Variants in PIR observed in about 807,000 individuals in gnomAD.
The protein encoded by PIR is pirin (iron-binding nuclear protein).
A neutral mutation model predicts 24.2 loss-of-function variants in PIR; 22 were observed. The observed-to-expected ratio is 0.91, with a 90% CI of 0.65 to 1.30. PIR has a LOEUF of 1.30. Ranked by LOEUF, PIR falls within the 50% of genes most tolerant of loss-of-function variation. The pLI is 0.00. For synonymous variants in PIR, 80 were observed against 79.6 expected (o/e 1.00, Z -0.03); for missense variants, 220 against 220.3 (o/e 1.00, Z 0.01).
At chrX:15,479,637 T>C (rs765445187) in intron 3 of PIR, 92 bp downstream of exon 3, 46 of 398,028 alleles carry the variant, frequency 1.2e-4, no homozygotes, top group Non-Finnish European at 1.9e-4. Context: ...ATTTTTAGCC[T>C]ATTATTTATT....
At chrX:15,466,014 T>TTG (rs1320273133) in intron 3 of PIR, among the ~76,000 whole-genome samples, 1 of 98,550 alleles carries the variant, frequency 1.0e-5, no homozygotes, top group African/African-American at 3.8e-5. Context: ...CTGTTTTTTT[T>TTG]TTTTTTTTTT....
intron 5 of PIR, among the ~76,000 whole-genome samples, chrX:15,449,950 T>C (rs768288396): frequency 1.4e-4 from 16 of 112,511 alleles, no homozygotes; most frequent in Non-Finnish European, 2.8e-4. Context: ...TGTGTGGTTA[T>C]GTTGCCAATA....
chrX:15,428,254 C>G (rs774679746), intron 5 of PIR, among the ~76,000 whole-genome samples: 73 of 111,824 alleles, frequency 6.5e-4, no homozygotes, highest in African/African-American at 2.3e-3. Flanking sequence ...GGGCAGCACA[C>G]AAGGGGCACA....
intron 6 of PIR, among the ~76,000 whole-genome samples, chrX:15,412,770 G>A (rs1379480621): frequency 8.9e-6 from 1 of 111,924 alleles, no homozygotes; most frequent in African/African-American, 3.2e-5. Flanking sequence ...GAAACAAAGC[G>A]CAGCAGCAAA....
intron 2 of PIR, among the ~76,000 whole-genome samples, chrX:15,487,174 C>T (rs745377974): frequency 8.9e-6 from 1 of 112,097 alleles, no homozygotes; most frequent in South Asian, 3.7e-4. Context: ...TGGACTTGAG[C>T]TGTGACTATA....
intron 4 of PIR, among the ~76,000 whole-genome samples, chrX:15,457,331 G>C (rs965246747): frequency 9.0e-6 from 1 of 111,726 alleles, no homozygotes; most frequent in African/African-American, 3.3e-5. Flanking sequence ...AGATGGTACT[G>C]TACACATACG....
rs192160530 is a variant in PIR at position 15,453,499 on chromosome X, A to G, written c.480+2349T>C. 5.5e-4 allele frequency among the ~76,000 whole-genome samples: 62 copies of G among 112,185 alleles called. No individual in the cohort carries two copies. In the South Asian group the frequency reaches 0.013, roughly 23 times the overall value. On this transcript the variant is annotated intron_variant, in intron 5 of 9. Transcript: ENST00000380420. ...GGCATTCTATCTCCAGAGTCCATGC[A>G]GGTAACCACTGCACCACGCTGCCTC...
chrX:15,444,877 G>C (rs927476622), intron 5 of PIR, among the ~76,000 whole-genome samples: 1 of 111,634 alleles, frequency 9.0e-6, no homozygotes, highest in South Asian at 3.7e-4. Context: ...AATCTGGCTG[G>C]GGGACTCAAT....
chrX:15,441,531 C>T (rs1167201184), intron 5 of PIR, among the ~76,000 whole-genome samples: 1 of 110,939 alleles, frequency 9.0e-6, no homozygotes, highest in Non-Finnish European at 1.9e-5. Flanking sequence ...CTTGAGGAGG[C>T]AGTCATGGCT....
At chrX:15,421,045 T>C (rs747591953) in intron 6 of PIR, among the ~76,000 whole-genome samples, 1 of 111,772 alleles carries the variant, frequency 8.9e-6, no homozygotes, top group African/African-American at 3.2e-5. Flanking sequence ...AAGATATAAT[T>C]CAAGGATATA....
rs779353716 is a variant in PIR at position 15,414,244 on chromosome X, A to G, written c.566-6694T>C. ...TAAAAAAAGTTTAAAATCGACACAT[A>G]ATAATTGTATCCTGCTCTTTAGAGA... is the stretch of plus-strand genomic sequence containing the variant. On this transcript the variant is annotated intron_variant, in intron 6 of 9. Coordinates refer to ENST00000380420, the MANE Select transcript of PIR (RefSeq NM_001018109.3). 2.7e-5 allele frequency among the ~76,000 whole-genome samples: 3 copies of G among 112,290 alleles called. No homozygotes were observed. The East Asian group carries it at 8.3e-4, about 31-fold the overall frequency.
chrX:15,465,726 A>G (rs761881513), intron 3 of PIR, among the ~76,000 whole-genome samples: 1 of 112,163 alleles, frequency 8.9e-6, no homozygotes, highest in East Asian at 2.8e-4. Context: ...TGGGGGCAGA[A>G]AGACAAAACA....
intron 8 of PIR, 83 bp downstream of exon 8, chrX:15,397,366 A>C (rs1569193213): frequency 1.4e-5 from 9 of 636,794 alleles, no homozygotes; most frequent in Non-Finnish European, 2.4e-5. Flanking sequence ...AAAAACTTTC[A>C]GTTATCCACA....
In PIR at chrX:15,476,620, C is replaced by A. The variant is rs919379526; in HGVS notation, c.189+3109G>T. 2.7e-5 allele frequency among the ~76,000 whole-genome samples: 3 copies of A among 109,816 alleles called. No homozygotes were observed. The East Asian group carries it at 8.5e-4, about 31-fold the overall frequency. ...ATCTGACTTCCTTAATATATGAAGA[C>A]CTTCTATAAAATAATAAAAAGAATA... On this transcript the variant is annotated intron_variant, in intron 3 of 9. Coordinates refer to ENST00000380420, the MANE Select transcript of PIR (RefSeq NM_001018109.3).
chrX:15,463,644 A>G (rs1921407853), intron 3 of PIR, among the ~76,000 whole-genome samples: 1 of 112,460 alleles, frequency 8.9e-6, no homozygotes, highest in Admixed American at 9.4e-5. Flanking sequence ...TAGAGGTTCT[A>G]GGTTTGAAGT....
chrX:15,432,145 G>A (rs1925531284), intron 5 of PIR, among the ~76,000 whole-genome samples: 1 of 111,109 alleles, frequency 9.0e-6, no homozygotes. Flanking sequence ...AAGGCCACTT[G>A]CATTTCTCTT....
intron 7 of PIR, among the ~76,000 whole-genome samples, chrX:15,405,134 A>C (rs1439524713): frequency 9.0e-6 from 1 of 111,662 alleles, no homozygotes; most frequent in Non-Finnish European, 1.9e-5. Flanking sequence ...ACAAGGCTCT[A>C]ACTACTGCTT....
intron 3 of PIR, among the ~76,000 whole-genome samples, chrX:15,474,626 T>C (rs1569210362): frequency 8.9e-6 from 1 of 111,959 alleles, no homozygotes; most frequent in Non-Finnish European, 1.9e-5. Flanking sequence ...TTCTTATATC[T>C]GTTACCTTCA....
At chrX:15,479,650 T>C (rs1922395067) in intron 3 of PIR, 79 bp downstream of exon 3, 1 of 463,596 alleles carries the variant, frequency 2.2e-6, no homozygotes, top group East Asian at 4.0e-5. Context: ...TATTTATTGC[T>C]TTTAAAATTG....
Sources: allele counts gnomAD v4.1 joint callset (sites outside exome capture counted in the v4.1 genomes callset), GRCh38; gene constraint gnomAD v4.1.1; transcripts MANE v1.5; gene names NCBI Gene and HGNC (gene_info 2026-07-23, HGNC 2026-07-21).